The following RIMS2 variants were observed in gnomAD, a reference collection of about 807,000 sequenced individuals.
RIMS2 encodes regulating synaptic membrane exocytosis 2.
A neutral mutation model predicts 174.4 loss-of-function variants in RIMS2; 59 were observed. The observed-to-expected ratio is 0.34, with a 90% CI of 0.27 to 0.42. RIMS2 has a LOEUF of 0.42. Among genes scored for constraint, RIMS2 ranks in the 10% least tolerant of loss-of-function variants. The probability of loss-of-function intolerance (pLI) is 1.00; values close to 1 mark genes in which losing one functional copy is unlikely to be tolerated. For missense variants in RIMS2, 1,620 were observed against 1,666.3 expected, an observed-to-expected ratio of 0.97 and a Z score of 0.48; for synonymous variants, 606 against 572.5, an observed-to-expected ratio of 1.06 and a Z score of -0.84.
At chr8:103,551,993 G>T (rs1233797607) in intron 1 of RIMS2, among the ~76,000 whole-genome samples, 2 of 152,148 alleles carry the variant, frequency 1.3e-5, no homozygotes, top group African/African-American at 2.4e-5. Flanking sequence ...TCATGGATAG[G>T]AAGAATCAAT....
intron 17 of RIMS2, among the ~76,000 whole-genome samples, chr8:103,999,387 T>C (rs565588052): frequency 6.6e-6 from 1 of 151,794 alleles, no homozygotes; most frequent in Admixed American, 6.6e-5. Context: ...ATGATAATGG[T>C]TATTGCTATA....
At chr8:103,668,848 A>G (rs2096709023) in intron 1 of RIMS2, among the ~76,000 whole-genome samples, 1 of 151,922 alleles carries the variant, frequency 6.6e-6, no homozygotes, top group Non-Finnish European at 1.5e-5. Context: ...GCCCAGCTAG[A>G]GCTTTTAATA....
At chr8:103,626,752 C>A (rs1480805248) in intron 1 of RIMS2, among the ~76,000 whole-genome samples, 1 of 151,948 alleles carries the variant, frequency 6.6e-6, no homozygotes, top group Non-Finnish European at 1.5e-5. Context: ...GGGGTGTCAT[C>A]ACATATTGGT....
intron 19 of RIMS2, 33 bp from the exon 23 acceptor site, chr8:104,068,479 C>T: frequency 1.0e-6 from 1 of 973,078 alleles, no homozygotes. Flanking sequence ...AAGAACTGAA[C>T]ATTAATTTTA....
chr8:103,622,215 G>A (rs2095651685), intron 1 of RIMS2, among the ~76,000 whole-genome samples: 1 of 152,040 alleles, frequency 6.6e-6, no homozygotes, highest in Non-Finnish European at 1.5e-5. Flanking sequence ...TTTAAGTAGA[G>A]CAACACATAG....
chr8:104,091,905 T>G (rs1395293849), intron 19 of RIMS2, among the ~76,000 whole-genome samples: 2 of 151,692 alleles, frequency 1.3e-5, no homozygotes, highest in Admixed American at 1.3e-4. Flanking sequence ...GCAGCAATTT[T>G]TAGAAGAATT....
intron 1 of RIMS2, among the ~76,000 whole-genome samples, chr8:103,561,412 A>T (rs1266806570): frequency 6.6e-6 from 1 of 152,206 alleles, no homozygotes; most frequent in Non-Finnish European, 1.5e-5. Flanking sequence ...AACACTTGTT[A>T]TATAGCCCAA....
chr8:104,153,924 G>T (rs932345299), intron 19 of RIMS2, among the ~76,000 whole-genome samples: 1 of 152,214 alleles, frequency 6.6e-6, no homozygotes, highest in African/African-American at 2.4e-5. Flanking sequence ...ATTGAATTTG[G>T]CAAGATGGAG....
At chr8:103,635,224 G>A (rs1451523255) in intron 1 of RIMS2, among the ~76,000 whole-genome samples, 1 of 152,206 alleles carries the variant, frequency 6.6e-6, no homozygotes, top group Non-Finnish European at 1.5e-5. Flanking sequence ...TTCTATATTA[G>A]TGCTTCTTTC....
chr8:104,168,474 T>C lies in RIMS2; in HGVS notation c.3335-76442T>C, dbSNP rs142830991. ...CATTTGATTTTCAGCTTGGTTGTCA[T>C]TGGTGTGTAGCAGTGTTACTAATTT... On this transcript the variant is annotated intron_variant, in intron 19 of 23. Coordinates refer to ENST00000504942, the Ensembl canonical transcript of RIMS2. 3.6e-3 allele frequency among the ~76,000 whole-genome samples: 549 copies of C among 152,262 alleles called. 4 individuals are homozygous for C. Among genetic ancestry groups the C allele is most frequent in the African/African-American group, 0.013 (521 of 41,558 alleles).
chr8:104,252,288 G>A (rs547128105), downstream of RIMS2: 19 of 165,584 alleles, frequency 1.1e-4, no homozygotes, highest in Non-Finnish European at 2.4e-4. Context: ...GGAGACCAAA[G>A]AAGTGGTCAG....
chr8:104,187,201 A>C (rs1000570438), intron 19 of RIMS2, among the ~76,000 whole-genome samples: 2 of 151,790 alleles, frequency 1.3e-5, no homozygotes, highest in African/African-American at 4.8e-5. Flanking sequence ...TTCATGAGGC[A>C]AACTCTTTGT....
intron 1 of RIMS2, among the ~76,000 whole-genome samples, chr8:103,503,045 C>T (rs1821210759): frequency 1.3e-5 from 2 of 151,910 alleles, no homozygotes; most frequent in Admixed American, 1.3e-4. Context: ...TTCATATTTC[C>T]ATAGTTTAGA....
intron 3 of RIMS2, among the ~76,000 whole-genome samples, chr8:103,884,664 A>C (rs1565106290): frequency 6.6e-6 from 1 of 151,868 alleles, no homozygotes; most frequent in African/African-American, 2.4e-5. Flanking sequence ...GATTTCTAGG[A>C]TTTTTGTAAT....
At chr8:103,580,092 C>T (rs977943928) in intron 1 of RIMS2, among the ~76,000 whole-genome samples, 1 of 151,910 alleles carries the variant, frequency 6.6e-6, no homozygotes, top group Non-Finnish European at 1.5e-5. Context: ...AGAGCAAAAC[C>T]GTATCAACCA....
rs140096820 is a variant in RIMS2 at position 103,871,549 on chromosome 8, A to G, written c.699-13749A>G. ...TTTTTTATTTTCTATATGATCTACCACTTTAAATGAAGTCTGACACTCTTC... is the reference window on the plus strand; with the variant it reads ...TTTTTTATTTTCTATATGATCTACCGCTTTAAATGAAGTCTGACACTCTTC... On this transcript the variant is annotated intron_variant, in intron 3 of 23. Transcript: ENST00000504942. Among the ~76,000 whole-genome samples, 24 of 152,018 alleles carry G rather than the reference A, an allele frequency of 1.6e-4. No homozygotes were observed. The South Asian group carries it at 3.5e-3, about 22-fold the overall frequency.
At chr8:103,870,082 G>A (rs1216843405) in intron 3 of RIMS2, among the ~76,000 whole-genome samples, 2 of 150,826 alleles carry the variant, frequency 1.3e-5, no homozygotes, top group African/African-American at 4.9e-5. Flanking sequence ...GGGTATCAGA[G>A]CCCAACTGGT....
intron 2 of RIMS2, among the ~76,000 whole-genome samples, chr8:103,734,054 C>T (rs531134863): frequency 1.0e-3 from 130 of 128,742 alleles, no homozygotes; most frequent in African/African-American, 3.8e-3. Context: ...GACGGAGTCT[C>T]GCTGCTGGAG....
chr8:103,827,418 T>G (rs1209073641), intron 3 of RIMS2, among the ~76,000 whole-genome samples: 2 of 152,216 alleles, frequency 1.3e-5, no homozygotes, highest in Non-Finnish European at 2.9e-5. Flanking sequence ...CAGAGACAGT[T>G]TTATTTCTTT....
Sources: gnomAD v4.1 joint callset for allele counts (sites outside exome capture counted in the v4.1 genomes callset) on GRCh38, gnomAD v4.1.1 for gene constraint, MANE v1.5 for transcripts, NCBI Gene and HGNC (gene_info 2026-07-23, HGNC 2026-07-21) for gene names.